The following ATL2 variants were observed in gnomAD, a reference collection of about 807,000 sequenced individuals.
ATL2 encodes the protein atlastin-2.
ATL2 carries 31 observed loss-of-function variants against 73.9 expected under a neutral mutation model. The ratio of observed to expected loss-of-function variants is 0.42; its 90% CI spans 0.32 to 0.57. The LOEUF is 0.57. Among genes scored for constraint, ATL2 ranks in the 20% least tolerant of loss-of-function variants. ATL2 has a pLI of 0.14. For missense variants in ATL2, 738 were observed against 702.6 expected (o/e 1.05, Z -0.57); for synonymous variants, 291 against 237.5 (o/e 1.23, Z -2.07).
intron 9 of ATL2, among the ~76,000 whole-genome samples, chr2:38,307,077 G>A (rs1667487296): frequency 6.6e-6 from 1 of 152,096 alleles, no homozygotes; most frequent in Non-Finnish European, 1.5e-5. Flanking sequence ...CACATTGGTG[G>A]CCAGGTATGA....
At chr2:38,329,319 C>A (rs577499127) in intron 2 of ATL2, among the ~76,000 whole-genome samples, 1 of 146,122 alleles carries the variant, frequency 6.8e-6, no homozygotes, top group East Asian at 2.0e-4. Flanking sequence ...TCCCAGCTAC[C>A]CAGGAGATTG....
At chr2:38,323,075 A>G (rs1668411031) in intron 2 of ATL2, among the ~76,000 whole-genome samples, 1 of 152,342 alleles carries the variant, frequency 6.6e-6, no homozygotes, top group East Asian at 1.9e-4. Flanking sequence ...GCAGTGAACA[A>G]GAATAAACAT....
chr2:38,314,165 A>G (rs1667902369), intron 6 of ATL2, among the ~76,000 whole-genome samples: 1 of 152,222 alleles, frequency 6.6e-6, no homozygotes, highest in South Asian at 2.1e-4. Flanking sequence ...CTTACAAATT[A>G]CACTTGCTTC....
intron 2 of ATL2, among the ~76,000 whole-genome samples, chr2:38,339,557 T>C (rs1176598580): frequency 6.6e-6 from 1 of 152,082 alleles, no homozygotes; most frequent in Admixed American, 6.6e-5. Context: ...ACCTCTAATA[T>C]TGTGTTAAAA....
chr2:38,321,824 T>C (rs1287318269), intron 2 of ATL2, among the ~76,000 whole-genome samples: 2 of 152,158 alleles, frequency 1.3e-5, no homozygotes, highest in East Asian at 1.9e-4. Flanking sequence ...AGGATCCTCC[T>C]ACCTCAGCCT....
intron 1 of ATL2, chr2:38,358,585 A>G (rs1301562884): frequency 6.6e-6 from 2 of 303,444 alleles, no homozygotes; most frequent in African/African-American, 2.3e-5. Context: ...CCAGATACTC[A>G]GGAGGCTGAG....
intron 9 of ATL2, among the ~76,000 whole-genome samples, chr2:38,306,434 C>T (rs1486976390): frequency 6.6e-6 from 1 of 152,086 alleles, no homozygotes; most frequent in South Asian, 2.1e-4. Flanking sequence ...AAAGACTCAG[C>T]AAAAAATTAC....
rs555595852 is a variant in ATL2, at chr2:38,298,850, A to G, written c.1201-275T>C. Among the ~76,000 whole-genome samples, 89 of 152,306 alleles carry G rather than the reference A, an allele frequency of 5.8e-4. 1 individual carries two copies. Among genetic ancestry groups the G allele is most frequent in the Middle Eastern group, 3.4e-3 (1 of 294 alleles). On this transcript the variant is annotated intron_variant, in intron 11 of 12. Transcript: ENST00000378954. ...ATCTGCCTTCACTTGACCATCATAT[A>G]CCATAATAGCACACAAAATTGCTGG...
intron 1 of ATL2, among the ~76,000 whole-genome samples, chr2:38,364,615 T>C (rs1008721387): frequency 6.6e-6 from 1 of 152,244 alleles, no homozygotes; most frequent in Middle Eastern, 3.2e-3. Flanking sequence ...TACATTCCTA[T>C]TTCCGGAAGT....
chr2:38,303,399 T>C (rs1667284334), intron 9 of ATL2, among the ~76,000 whole-genome samples: 1 of 151,834 alleles, frequency 6.6e-6, no homozygotes, highest in South Asian at 2.1e-4. Flanking sequence ...AGAGACAAGG[T>C]TTCACCATGT....
upstream of ATL2, among the ~76,000 whole-genome samples, chr2:38,378,253 G>A (rs1672089871): frequency 6.6e-6 from 1 of 152,182 alleles, no homozygotes; most frequent in African/African-American, 2.4e-5. Flanking sequence ...TTCACAGCAT[G>A]CACAATCTCT....
At chr2:38,358,215 TTAAAA>T (rs1288489463) in intron 1 of ATL2, among the ~76,000 whole-genome samples, 1 of 152,156 alleles carries the variant, frequency 6.6e-6, no homozygotes, top group African/African-American at 2.4e-5. Flanking sequence ...TCTAACAATA[TTAAAA>T]TAAAATTTTC....
intron 4 of ATL2, among the ~76,000 whole-genome samples, chr2:38,315,851 C>G (rs1668000214): frequency 6.6e-6 from 1 of 152,172 alleles, no homozygotes; most frequent in Non-Finnish European, 1.5e-5. Context: ...AGTTTACTTA[C>G]TCATCAGTTT....
chr2:38,377,122 C>A (rs765160648), intron 1 of ATL2, 21 bp downstream of exon 1: 2 of 1,605,938 alleles, frequency 1.2e-6, no homozygotes, highest in Non-Finnish European at 1.7e-6. Context: ...GCCCCGCGGC[C>A]TCTGCCTCGC....
rs1012835147 is a variant in ATL2, at chr2:38,294,433, A to C, written c.*1561T>G. Among the ~76,000 whole-genome samples, 5 of 152,198 alleles carry C rather than the reference A, an allele frequency of 3.3e-5. No homozygotes were observed. Among genetic ancestry groups the C allele is most frequent in the African/African-American group, 1.2e-4 (5 of 41,454 alleles). ...AATGGTGGCACGCACCTGTAGTCCC[A>C]GCTACTCAGGAGGCTGAGGCGGGAG... is the stretch of plus-strand genomic sequence containing the variant. On this transcript the variant is annotated 3_prime_UTR_variant, in exon 13 of 13. Transcript: ENST00000378954.
At chr2:38,340,655 G>T (rs1200325979) in intron 2 of ATL2, among the ~76,000 whole-genome samples, 2 of 152,122 alleles carry the variant, frequency 1.3e-5, no homozygotes, top group African/African-American at 4.8e-5. Flanking sequence ...CACCTGTGCA[G>T]GCATACAGGT....
chr2:38,349,032 G>A (rs1269910403), intron 1 of ATL2, among the ~76,000 whole-genome samples: 3 of 151,006 alleles, frequency 2.0e-5, no homozygotes, highest in Non-Finnish European at 3.0e-5. Context: ...AACAGGTGCT[G>A]GAGAGGATGT....
rs182562645 is a variant in ATL2 at position 38,315,368 on chromosome 2, G to C, written c.604-34C>G. On this transcript the variant is annotated intron_variant, in intron 4 of 12. Coordinates refer to ENST00000378954, the MANE Select transcript of ATL2 (RefSeq NM_001135673.4). ...ACAAAATTTATTTTGTTTTTTATTA[G>C]TGTTTTGTTCTGAATACCCAGCTTC... is the stretch of plus-strand genomic sequence containing the variant. 7,643 of 1,490,948 alleles carry C rather than the reference G, an allele frequency of 5.1e-3. 26 individuals are homozygous for C. The highest frequency in any genetic ancestry group is 6.0e-3 in the Admixed American group (213 of 35,564). The allele number at this position is 1,490,948 out of a possible 1,614,324, so 92.4% of individuals were successfully genotyped here.
At chr2:38,360,317 G>C (rs1268200550) in intron 1 of ATL2, among the ~76,000 whole-genome samples, 2 of 149,016 alleles carry the variant, frequency 1.3e-5, no homozygotes, top group African/African-American at 2.5e-5. Context: ...ATGGGGTCTT[G>C]CTCTGATGCC....
Sources: allele counts gnomAD v4.1 joint callset (sites outside exome capture counted in the v4.1 genomes callset), GRCh38; gene constraint gnomAD v4.1.1; transcripts MANE v1.5; gene names NCBI Gene and HGNC (gene_info 2026-07-23, HGNC 2026-07-21).